The following ACAP2 variants were observed in gnomAD, a reference collection of about 807,000 sequenced individuals.
ACAP2 encodes the protein ArfGAP with coiled-coil, ankyrin repeat and PH domains 2.
Under a neutral mutation model 115.8 loss-of-function variants are expected in ACAP2, and 39 were observed. That is an observed-to-expected ratio of 0.34 (90% CI 0.26 to 0.44). The LOEUF (loss-of-function observed/expected upper bound fraction) is 0.44, where lower values mean the gene tolerates loss of function less well. Among genes scored for constraint, ACAP2 ranks in the 20% least tolerant of loss-of-function variants. The pLI is 1.00. For missense variants in ACAP2, 662 were observed against 927.6 expected, an observed-to-expected ratio of 0.71 and a Z score of 3.72; for synonymous variants, 289 against 315.8, an observed-to-expected ratio of 0.92 and a Z score of 0.90.
At chr3:195,301,700 C>CA in intron 14 of ACAP2, 56 bp from the exon 15 acceptor site, 1 of 1,512,230 alleles carries the variant, frequency 6.6e-7, no homozygotes, top group East Asian at 2.3e-5. Flanking sequence ...CGTATTTGCG[C>CA]AAGTTCTGTT....
intron 10 of ACAP2, among the ~76,000 whole-genome samples, chr3:195,319,668 C>T (rs1729321130): frequency 6.6e-6 from 1 of 152,186 alleles, no homozygotes; most frequent in Non-Finnish European, 1.5e-5. Flanking sequence ...GGAACATTTA[C>T]CCAATGCCTG....
intron 9 of ACAP2, among the ~76,000 whole-genome samples, chr3:195,324,502 C>T (rs186013644): frequency 4.6e-5 from 7 of 152,222 alleles, no homozygotes; most frequent in East Asian, 1.9e-4. Context: ...ACCTGTAATC[C>T]GAGCACATTG....
chr3:195,342,828 T>C (rs1730964872), intron 5 of ACAP2, 174 bp from the exon 6 acceptor site: 1 of 444,682 alleles, frequency 2.2e-6, no homozygotes, highest in African/African-American at 2.1e-5. Context: ...ACCCCATCTC[T>C]ACTAAAAATA....
intron 13 of ACAP2, among the ~76,000 whole-genome samples, chr3:195,305,922 G>A (rs1346241962): frequency 1.3e-5 from 2 of 151,868 alleles, no homozygotes; most frequent in Non-Finnish European, 2.9e-5. Flanking sequence ...GAGAGCAGTC[G>A]ATCCCCCTAA....
Position 195,293,854 on chromosome 3 carries a change from G to A in ACAP2, c.1765+865C>T, listed in dbSNP as rs1348980826. On this transcript the variant is annotated intron_variant, in intron 18 of 22. Transcript: ENST00000326793. ...CTCAAAATAAAAAATAAAATGTAGG[G>A]CAGCCTCGGTGGCTCGCGCCTGCAA... 4.0e-5 allele frequency among the ~76,000 whole-genome samples: 6 copies of A among 151,824 alleles called. No homozygotes were observed. The East Asian group carries it at 1.2e-3, about 30-fold the overall frequency.
At chr3:195,310,680 A>G (rs1330718304) in intron 10 of ACAP2, among the ~76,000 whole-genome samples, 2 of 152,206 alleles carry the variant, frequency 1.3e-5, no homozygotes, top group East Asian at 1.9e-4. Flanking sequence ...TCTTAGGACA[A>G]TATCTTCTAA....
chr3:195,351,343 C>T (rs1252397554), intron 4 of ACAP2, among the ~76,000 whole-genome samples: 1 of 152,026 alleles, frequency 6.6e-6, no homozygotes, highest in Non-Finnish European at 1.5e-5. Context: ...TCATGAACTC[C>T]TGACCTCAAG....
intron 15 of ACAP2, among the ~76,000 whole-genome samples, chr3:195,298,905 A>G (rs1727835790): frequency 6.6e-6 from 1 of 152,194 alleles, no homozygotes; most frequent in South Asian, 2.1e-4. Context: ...TGCTGGGATT[A>G]TAGGCGTCAG....
chr3:195,369,838 C>T (rs925659318), intron 4 of ACAP2, among the ~76,000 whole-genome samples: 1 of 152,168 alleles, frequency 6.6e-6, no homozygotes, highest in Admixed American at 6.5e-5. Flanking sequence ...CACCACACTG[C>T]TTTCCACAAT....
chr3:195,303,286 G>C (rs1011254105), intron 13 of ACAP2, among the ~76,000 whole-genome samples: 2 of 152,048 alleles, frequency 1.3e-5, no homozygotes, highest in African/African-American at 4.8e-5. Flanking sequence ...ATGCACACCT[G>C]TGGTCCCAGC....
At chr3:195,314,013 A>T (rs1161288219) in intron 10 of ACAP2, among the ~76,000 whole-genome samples, 1 of 152,142 alleles carries the variant, frequency 6.6e-6, no homozygotes, top group Non-Finnish European at 1.5e-5. Flanking sequence ...TTCACATAAG[A>T]CATAAAACTT....
intron 1 of ACAP2, among the ~76,000 whole-genome samples, chr3:195,408,294 C>A (rs1169774365): frequency 6.6e-6 from 1 of 152,066 alleles, no homozygotes; most frequent in Non-Finnish European, 1.5e-5. Context: ...GAAACCCTGT[C>A]TCTACAGGAG....
intron 1 of ACAP2, among the ~76,000 whole-genome samples, chr3:195,411,183 G>A (rs530641289): frequency 5.9e-5 from 9 of 152,254 alleles, no homozygotes; most frequent in African/African-American, 1.9e-4. Context: ...CTGTTGGTGG[G>A]AATGTAAAAT....
At chr3:195,403,734 C>T (rs1013214625) in intron 1 of ACAP2, among the ~76,000 whole-genome samples, 3 of 151,986 alleles carry the variant, frequency 2.0e-5, no homozygotes, top group African/African-American at 4.8e-5. Flanking sequence ...AGACTACAGG[C>T]GGAACAGATT....
At chr3:195,358,993 G>A (rs1003701035) in intron 4 of ACAP2, among the ~76,000 whole-genome samples, 3 of 152,162 alleles carry the variant, frequency 2.0e-5, no homozygotes, top group Non-Finnish European at 4.4e-5. Context: ...ACTTTTCAAT[G>A]GAAACCTTAC....
At chr3:195,442,666 G>A (rs1052447376) in intron 1 of ACAP2, 129 bp downstream of exon 1, 6 of 996,962 alleles carry the variant, frequency 6.0e-6, no homozygotes, top group African/African-American at 3.5e-5. Context: ...GGGAAACGGC[G>A]GCAACAGCCG....
At chr3:195,345,726 C>T (rs763531047) in intron 4 of ACAP2, among the ~76,000 whole-genome samples, 1 of 152,128 alleles carries the variant, frequency 6.6e-6, no homozygotes, top group Non-Finnish European at 1.5e-5. Flanking sequence ...CGCCATATAC[C>T]TTAGTTGAGG....
chr3:195,412,896 A>C (rs1425974472), intron 1 of ACAP2: 1 of 456,524 alleles, frequency 2.2e-6, no homozygotes, highest in African/African-American at 2.0e-5. Flanking sequence ...GCGGTAAAAC[A>C]AGCCCCTGCT....
intron 15 of ACAP2, among the ~76,000 whole-genome samples, chr3:195,300,527 TCTTAGA>T (rs1472762394): frequency 2.0e-5 from 3 of 152,196 alleles, no homozygotes; most frequent in African/African-American, 7.2e-5. Context: ...AGATATAAAT[TCTTAGA>T]CACAGGGAAA....
Sources: allele counts gnomAD v4.1 joint callset (sites outside exome capture counted in the v4.1 genomes callset), GRCh38; gene constraint gnomAD v4.1.1; transcripts MANE v1.5; gene names NCBI Gene and HGNC (gene_info 2026-07-23, HGNC 2026-07-21).